The following ZSCAN5A variants were observed in gnomAD, a reference collection of about 807,000 sequenced individuals.
The protein encoded by ZSCAN5A is zinc finger and SCAN domain containing 5A.
Under a neutral mutation model 23.7 loss-of-function variants are expected in ZSCAN5A, and 12 were observed. The ratio of observed to expected loss-of-function variants is 0.51; its 90% confidence interval spans 0.32 to 0.82. The LOEUF is 0.82. ZSCAN5A is among the 40% of genes least tolerant of loss of function. The probability of loss-of-function intolerance (pLI) is 0.03; values close to 1 mark genes in which losing one functional copy is unlikely to be tolerated. For synonymous variants in ZSCAN5A, 257 were observed against 239.9 expected (o/e 1.07, Z -0.66); for missense variants, 597 against 617.9 (o/e 0.97, Z 0.36).
chr19:56,300,272 T>A (rs755795819), intron 2 of ZSCAN5A, among the ~76,000 whole-genome samples: 142 of 152,274 alleles, frequency 9.3e-4, no homozygotes, highest in Non-Finnish European at 7.9e-4. Context: ...AGATACAACT[T>A]ATTACATACC....
At chr19:56,327,835 TTG>T (rs1405498589) in intron 2 of ZSCAN5A, among the ~76,000 whole-genome samples, 1 of 152,050 alleles carries the variant, frequency 6.6e-6, no homozygotes, top group South Asian at 2.1e-4. Context: ...ATATGCATAG[TTG>T]TGTGTTATAT....
chr19:56,241,195 A>G (rs561640314), intron 2 of ZSCAN5A, among the ~76,000 whole-genome samples: 30 of 152,240 alleles, frequency 2.0e-4, no homozygotes, highest in African/African-American at 2.6e-4. Context: ...ATTTTTTCCC[A>G]TGTTCCATTG....
At chr19:56,229,746 G>A (rs566241619) in intron 2 of ZSCAN5A, among the ~76,000 whole-genome samples, 1 of 151,970 alleles carries the variant, frequency 6.6e-6, no homozygotes, top group South Asian at 2.1e-4. Flanking sequence ...CATTTTTGGT[G>A]GTCTTTTTTG....
At chr19:56,227,998 G>C (rs1479609347) in intron 2 of ZSCAN5A, among the ~76,000 whole-genome samples, 1 of 152,058 alleles carries the variant, frequency 6.6e-6, no homozygotes, top group Non-Finnish European at 1.5e-5. Context: ...TTCCAGGCTA[G>C]TCTGGAATTC....
At chr19:56,230,389 A>G (rs948760409) in intron 2 of ZSCAN5A, among the ~76,000 whole-genome samples, 16 of 152,158 alleles carry the variant, frequency 1.1e-4, no homozygotes, top group African/African-American at 3.9e-4. Context: ...CGGCCCCAAC[A>G]TATTATTATT....
chr19:56,281,028 A>G (rs1037328516), intron 2 of ZSCAN5A, among the ~76,000 whole-genome samples: 12 of 152,254 alleles, frequency 7.9e-5, no homozygotes, highest in Non-Finnish European at 1.6e-4. Flanking sequence ...ACTGTTGACC[A>G]GAAGACTTAC....
At chr19:56,277,842 C>T (rs910817025) in intron 2 of ZSCAN5A, among the ~76,000 whole-genome samples, 1 of 152,260 alleles carries the variant, frequency 6.6e-6, no homozygotes. Context: ...AAATCCTAGA[C>T]TTCACCACTG....
At chr19:56,302,957 C>A in intron 2 of ZSCAN5A, 1 of 398,308 alleles carries the variant, frequency 2.5e-6, no homozygotes, top group South Asian at 1.3e-4. Flanking sequence ...AGAACCAGAT[C>A]ACCGAGTGGT....
chr19:56,360,045 T>C (rs1215970633), intron 2 of ZSCAN5A, among the ~76,000 whole-genome samples: 1 of 152,150 alleles, frequency 6.6e-6, no homozygotes, highest in Non-Finnish European at 1.5e-5. Flanking sequence ...ACCACTCTTA[T>C]TCAACACAGT....
chr19:56,262,604 G>T (rs1265674966), intron 2 of ZSCAN5A, among the ~76,000 whole-genome samples: 1 of 150,762 alleles, frequency 6.6e-6, no homozygotes, highest in Non-Finnish European at 1.5e-5. Flanking sequence ...TAATTTTTTT[G>T]TGTCTTTAGT....
At chr19:56,302,585 T>C (rs113744405) in intron 2 of ZSCAN5A, among the ~76,000 whole-genome samples, 1,781 of 43,552 alleles carry the variant, frequency 0.041, 37 homozygotes, top group Non-Finnish European at 0.046. Flanking sequence ...TCCTCCCCCT[T>C]TTCTTCCTCT....
At chr19:56,348,773 A>G (rs762875827) in intron 2 of ZSCAN5A, among the ~76,000 whole-genome samples, 6 of 152,220 alleles carry the variant, frequency 3.9e-5, no homozygotes, top group Non-Finnish European at 7.3e-5. Flanking sequence ...AATAGCAAGG[A>G]TGCATTTTAA....
intron 2 of ZSCAN5A, among the ~76,000 whole-genome samples, chr19:56,294,618 A>C (rs992408323): frequency 6.6e-6 from 1 of 152,190 alleles, no homozygotes; most frequent in South Asian, 2.1e-4. Flanking sequence ...GACAACACAC[A>C]GTGAATGGGC....
intron 2 of ZSCAN5A, among the ~76,000 whole-genome samples, chr19:56,304,259 G>A (rs1310966679): frequency 6.6e-6 from 1 of 152,208 alleles, no homozygotes. Context: ...TTATGCGCTG[G>A]GTGTGAGGAA....
intron 2 of ZSCAN5A, among the ~76,000 whole-genome samples, chr19:56,268,490 C>T (rs1431033973): frequency 6.6e-6 from 1 of 152,162 alleles, no homozygotes; most frequent in African/African-American, 2.4e-5. Context: ...ACTTTTAATA[C>T]TTTTTAAATT....
chr19:56,226,605 C>G (rs1331237138), intron 2 of ZSCAN5A, among the ~76,000 whole-genome samples: 1 of 152,152 alleles, frequency 6.6e-6, no homozygotes, highest in Non-Finnish European at 1.5e-5. Context: ...GTCCTCTGCG[C>G]CCTGTGCTGG....
At chr19:56,280,722 A>C (rs1167320459) in intron 2 of ZSCAN5A, 3 of 152,132 alleles carry the variant, frequency 2.0e-5, no homozygotes, top group African/African-American at 7.2e-5. Flanking sequence ...GGACAGAGAG[A>C]GAGACAGAAA....
At chr19:56,222,895 G>C (rs138653804) in intron 4 of ZSCAN5A, among the ~76,000 whole-genome samples, 154 bp from the exon 5 acceptor site, 1 of 152,046 alleles carries the variant, frequency 6.6e-6, no homozygotes, top group African/African-American at 2.4e-5. Flanking sequence ...ATCACCCCAC[G>C]TAAACATCAC....
chr19:56,323,739 T>G (rs2041405540), intron 2 of ZSCAN5A, among the ~76,000 whole-genome samples: 1 of 151,952 alleles, frequency 6.6e-6, no homozygotes, highest in South Asian at 2.1e-4. Context: ...TTTCTCCATG[T>G]TGGTCAGGCT....
Sources: gnomAD v4.1 joint callset for allele counts (sites outside exome capture counted in the v4.1 genomes callset) on GRCh38, gnomAD v4.1.1 for gene constraint, MANE v1.5 for transcripts, NCBI Gene and HGNC (gene_info 2026-07-23, HGNC 2026-07-21) for gene names.